Variants in TRPM6 observed in about 807,000 individuals in gnomAD.
TRPM6 encodes channel kinase 2.
Under a neutral mutation model 247.6 loss-of-function variants are expected in TRPM6, and 111 were observed. The observed-to-expected ratio is 0.45, with a 90% CI of 0.38 to 0.52. The LOEUF (loss-of-function observed/expected upper bound fraction) is 0.52, where lower values mean the gene tolerates loss of function less well. Ranked by LOEUF, TRPM6 falls within the 20% of genes least tolerant of loss-of-function variation. TRPM6 has a pLI of 0.00. For synonymous variants in TRPM6, 892 were observed against 853.8 expected, an observed-to-expected ratio of 1.04 and a Z score of -0.78; for missense variants, 2,126 against 2,421.5, an observed-to-expected ratio of 0.88 and a Z score of 2.56.
At chr9:74,859,911 A>G (rs909306274) in intron 1 of TRPM6, among the ~76,000 whole-genome samples, 2 of 152,064 alleles carry the variant, frequency 1.3e-5, no homozygotes, top group Non-Finnish European at 2.9e-5. Context: ...ACTCATATCT[A>G]CTCCCATTCT....
At chr9:74,755,997 G>C (rs571626714) in intron 27 of TRPM6, among the ~76,000 whole-genome samples, 2 of 152,236 alleles carry the variant, frequency 1.3e-5, no homozygotes, top group Admixed American at 1.3e-4. Context: ...TAAAATAATA[G>C]ATAGCCAATA....
At chr9:74,849,550 T>C (rs1185972643) in intron 3 of TRPM6, among the ~76,000 whole-genome samples, 1 of 152,084 alleles carries the variant, frequency 6.6e-6, no homozygotes, top group Non-Finnish European at 1.5e-5. Context: ...TGCAAACAAC[T>C]TGGTCTTGGA....
At chr9:74,827,423 C>T (rs1829375307) in intron 7 of TRPM6, among the ~76,000 whole-genome samples, 1 of 152,130 alleles carries the variant, frequency 6.6e-6, no homozygotes. Flanking sequence ...CAACTTCGGC[C>T]TCTACTCTGT....
At chr9:74,803,991 T>C in intron 14 of TRPM6, 105 bp from the exon 15 acceptor site, 2 of 783,570 alleles carry the variant, frequency 2.6e-6, no homozygotes, top group South Asian at 2.8e-5. Context: ...AATATTTTAT[T>C]TCTAGACAAT....
At chr9:74,849,713 A>G (rs543677839) in intron 3 of TRPM6, among the ~76,000 whole-genome samples, 34 of 152,346 alleles carry the variant, frequency 2.2e-4, no homozygotes, top group Non-Finnish European at 4.1e-4. Flanking sequence ...CAAGAGCTGA[A>G]GTGCAGGCAG....
chr9:74,835,777 C>A (rs958929998), intron 5 of TRPM6, among the ~76,000 whole-genome samples: 1 of 151,880 alleles, frequency 6.6e-6, no homozygotes, highest in Non-Finnish European at 1.5e-5. Context: ...GCAATTTGAC[C>A]TTTTTCAAGA....
At chr9:74,761,950 T>G (rs746966603) in intron 26 of TRPM6, 49 bp downstream of exon 26, 14 of 1,581,068 alleles carry the variant, frequency 8.9e-6, no homozygotes, top group Admixed American at 3.4e-5. Flanking sequence ...ACAAAACCAG[T>G]AGCAATGCAA....
chr9:74,834,248 A>G lies in TRPM6; in HGVS notation c.545-126T>C, dbSNP rs926929320. 10 of 1,142,446 alleles carry G rather than the reference A, an allele frequency of 8.8e-6. No individual in the cohort carries two copies. The Admixed American group carries it at 9.5e-5, about 11-fold the overall frequency. 70.8% of individuals were successfully genotyped at this position (1,142,446 alleles called of 1,614,324 possible). Reference sequence around the variant, plus strand: ...GCTATTCTTAGGGAGAGTTGCTGGTACAGTGGAATTAGTTTCTGATACCTT... The same window carrying G: ...GCTATTCTTAGGGAGAGTTGCTGGTGCAGTGGAATTAGTTTCTGATACCTT... On this transcript the variant is annotated intron_variant, in intron 5 of 38. Transcript: ENST00000360774.
At chr9:74,758,658 A>T (rs1289801855) in intron 27 of TRPM6, among the ~76,000 whole-genome samples, 1 of 152,204 alleles carries the variant, frequency 6.6e-6, no homozygotes, top group Non-Finnish European at 1.5e-5. Flanking sequence ...CATCTATAGA[A>T]AAACCTATAG....
chr9:74,785,812 C>T (rs1827638567), intron 21 of TRPM6, 62 bp downstream of exon 21: 2 of 1,598,168 alleles, frequency 1.3e-6, no homozygotes, highest in South Asian at 2.2e-5. Flanking sequence ...TGTGAGCCAC[C>T]ACACCTGGCT....
At chr9:74,853,060 G>C (rs1212746136) in intron 3 of TRPM6, among the ~76,000 whole-genome samples, 2 of 150,996 alleles carry the variant, frequency 1.3e-5, no homozygotes, top group East Asian at 3.9e-4. Context: ...CCTCTGCCCC[G>C]CCGCCCCGTC....
intron 37 of TRPM6, among the ~76,000 whole-genome samples, chr9:74,730,449 C>T (rs764857713): frequency 1.1e-4 from 16 of 152,210 alleles, no homozygotes; most frequent in Non-Finnish European, 2.2e-4. Context: ...CTCATAGGAA[C>T]GTTACCATCT....
intron 31 of TRPM6, among the ~76,000 whole-genome samples, chr9:74,745,400 T>C (rs914709704): frequency 6.6e-6 from 1 of 152,172 alleles, no homozygotes; most frequent in Non-Finnish European, 1.5e-5. Flanking sequence ...TCTAGTTCCA[T>C]TCTAGTAAAA....
chr9:74,762,304 G>A lies in TRPM6; in HGVS notation c.4367C>T (p.Ala1456Val), dbSNP rs1826672697. Residue 1456 changes from alanine (A) to valine (V), a missense_variant, in exon 26 of 39, where the codon GCA becomes GTA. Physicochemically the swap from Ala to Val is moderately conservative, Grantham distance 64 (BLOSUM62 0). Transcript: ENST00000360774. ...ACCAGTTTCATCACCTTCTGAAAAT[G>A]CCCAGTTTACATATCCACCTCCAGT... ...MQTGGGYVNW[A>V]FSEGDETGVF... 1.2e-6 allele frequency: 2 copies of A among 1,614,224 alleles called. No homozygotes were observed. Among genetic ancestry groups the A allele is most frequent in the South Asian group, 1.1e-5 (1 of 91,086 alleles).
intron 3 of TRPM6, among the ~76,000 whole-genome samples, chr9:74,852,487 CTCCGTCTCCATGG>C (rs1830363024): frequency 2.0e-5 from 3 of 151,864 alleles, no homozygotes; most frequent in African/African-American, 7.2e-5. Context: ...CCCTCTCCGT[CTCCGTCTCCATGG>C]TCTCCCTCTC....
rs1354308219 is a variant in TRPM6, at chr9:74,786,073, C to G, written c.2720G>C (p.Ser907Thr). The change falls in exon 21 of 39, where the codon AGT becomes ACT. Residue 907 changes from serine (S) to threonine (T), a missense_variant. Around this residue, in one of 3 missense-constraint regions of TRPM6, gnomAD observed 1,082 missense variants for 1,307.9 expected, o/e 0.83. Transcript: ENST00000360774. ...AGTTTCTGTTAAGTTCCAGTACTCA[C>G]TAATCCATACCTTCACCTTTTGGGT... ...KFTQKVKVWI[S>T]EYWNLTETVA... The G allele has an allele frequency of 6.2e-7, 1 of 1,614,214 alleles. No homozygotes were observed. The highest frequency in any genetic ancestry group is 1.7e-5 in the Admixed American group (1 of 60,028).
In TRPM6 at chr9:74,762,428, C is replaced by T. The variant is rs1164005990; in HGVS notation, c.4243G>A (p.Asp1415Asn). The T allele has an allele frequency of 6.2e-7, 1 of 1,614,190 alleles. No homozygotes were observed. The highest frequency in any genetic ancestry group is 8.5e-7 in the Non-Finnish European group (1 of 1,180,042). Residue 1415 changes from aspartate (D) to asparagine (N), a missense_variant, in exon 26 of 39, where the codon GAT (aspartate) becomes AAT (asparagine). Asp to Asn is a conservative substitution (Grantham distance 23, BLOSUM62 1). Around this residue, in one of 3 missense-constraint regions of TRPM6, gnomAD observed 717 missense variants for 715.9 expected, o/e 1.00. Transcript: ENST00000360774. ...EKHEPIAHLL[D>N]GQDKAEQVLP... is the part of the protein sequence containing the mutation. ...ACTTGCTCTGCCTTGTCTTGTCCAT[C>T]CAGTAAGTGAGCAATAGGCTCGTGC...
At chr9:74,845,513 G>A (rs1451206097) in intron 3 of TRPM6, among the ~76,000 whole-genome samples, 1 of 152,138 alleles carries the variant, frequency 6.6e-6, no homozygotes, top group Admixed American at 6.6e-5. Flanking sequence ...AAGACATTAT[G>A]CTAATTAAAA....
chr9:74,787,807 C>T (rs553441673), intron 20 of TRPM6, among the ~76,000 whole-genome samples: 1 of 152,302 alleles, frequency 6.6e-6, no homozygotes, highest in South Asian at 2.1e-4. Flanking sequence ...CCTCCACCTC[C>T]TGGATTCAAG....
Sources: allele counts gnomAD v4.1 joint callset (sites outside exome capture counted in the v4.1 genomes callset), GRCh38; gene constraint gnomAD v4.1.1; regional missense constraint gnomAD v4.1.1; transcripts MANE v1.5; gene names NCBI Gene and HGNC (gene_info 2026-07-23, HGNC 2026-07-21).